Variants in IQCH observed in about 807,000 individuals in gnomAD.
The protein encoded by IQCH is IQ domain-containing protein H.
IQCH carries 98 observed loss-of-function variants against 117.0 expected under a neutral mutation model. The ratio of observed to expected loss-of-function variants is 0.84; its 90% CI spans 0.71 to 0.99. The LOEUF (loss-of-function observed/expected upper bound fraction) is 0.99. Ranked by LOEUF, IQCH falls within the 50% of genes least tolerant of loss-of-function variation. IQCH has a pLI of 0.00. For synonymous variants in IQCH, 412 were observed against 448.2 expected, an observed-to-expected ratio of 0.92 and a Z score of 1.02; for missense variants, 1,102 against 1,243.8, an observed-to-expected ratio of 0.89 and a Z score of 1.72.
intron 4 of IQCH, among the ~76,000 whole-genome samples, chr15:67,304,614 G>A (rs1301109411): frequency 6.6e-6 from 1 of 151,948 alleles, no homozygotes; most frequent in African/African-American, 2.4e-5. Context: ...TTTATAATTA[G>A]CAATGATTAA....
chr15:67,422,594 A>T lies in IQCH; in HGVS notation c.2505+1017A>T, dbSNP rs1567175615. ...ACATGGATACACCCAAAAATAATGT[A>T]GAGTTTTATTTTGCATGTTTTTAAG... On this transcript the variant is annotated intron_variant, in intron 16 of 20. Transcript: ENST00000335894. The surrounding 1 kb of genome is among the most constrained non-coding windows in gnomAD (Gnocchi z 4.7). Among the ~76,000 whole-genome samples the T allele has an allele frequency of 6.6e-6, 1 of 152,152 alleles. No individual in the cohort carries two copies. Among genetic ancestry groups the T allele is most frequent in the Non-Finnish European group, 1.5e-5 (1 of 68,016 alleles).
Position 67,345,108 on chromosome 15 carries a change from G to A in IQCH, c.637+917G>A, listed in dbSNP as rs145309498. On this transcript the variant is annotated intron_variant, in intron 6 of 20. Coordinates refer to ENST00000335894, the MANE Select transcript of IQCH (RefSeq NM_001031715.3). ...GGATTCAAGCGATTCTCCTGCCTCA[G>A]CCTCCCAAGTACCTGTGATTACAGG... Among the ~76,000 whole-genome samples the A allele has an allele frequency of 9.9e-5, 15 of 152,236 alleles. No homozygotes were observed. In the East Asian group the frequency reaches 2.9e-3, roughly 29 times the overall value.
chr15:67,377,961 G>A (rs1234871009), intron 10 of IQCH, among the ~76,000 whole-genome samples: 2 of 152,118 alleles, frequency 1.3e-5, no homozygotes, highest in African/African-American at 4.8e-5. Context: ...TATGGATCCT[G>A]TTATTATGAA....
chr15:67,494,037 C>T lies in IQCH; in HGVS notation c.2862-221C>T, dbSNP rs2083736861. On this transcript the variant is annotated intron_variant, in intron 19 of 20. Transcript: ENST00000335894. The surrounding 1 kb of genome is among the most constrained non-coding windows in gnomAD (Gnocchi z 5.5). ...AAATGACCTACCCTATTGGTATATT[C>T]TGCTAAGTTGATTAATAAAAAATAT... Among the ~76,000 whole-genome samples, 1 of 152,232 alleles carries T rather than the reference C, an allele frequency of 6.6e-6. No homozygotes were observed. Among genetic ancestry groups the T allele is most frequent in the Non-Finnish European group, 1.5e-5 (1 of 68,040 alleles).
At chr15:67,262,081 T>C (rs1965485676) in intron 2 of IQCH, among the ~76,000 whole-genome samples, 1 of 133,454 alleles carries the variant, frequency 7.5e-6, no homozygotes, top group Admixed American at 7.2e-5. Context: ...AGAGTGAGAC[T>C]CTGTCTCAAA....
chr15:67,452,312 C>T (rs1229468385), intron 16 of IQCH, among the ~76,000 whole-genome samples: 1 of 152,142 alleles, frequency 6.6e-6, no homozygotes, highest in Admixed American at 6.6e-5. Context: ...GCAGTTTCTT[C>T]CTGGCCTTGA....
rs926991576 is a variant in IQCH, at chr15:67,381,807, C to G, written c.1373-3129C>G. ...ATCAGCCTGGGCAACATGGCGAAAC[C>G]CTGGCTCTACAAAAATTACAAAAAT... On this transcript the variant is annotated intron_variant, in intron 10 of 20. Transcript: ENST00000335894. This position sits in a 1 kb window ranked among gnomAD's most constrained non-coding sequence, Gnocchi z 5.1. Among the ~76,000 whole-genome samples, 4 of 151,918 alleles carry G rather than the reference C, an allele frequency of 2.6e-5. No homozygotes were observed. Among genetic ancestry groups the G allele is most frequent in the African/African-American group, 9.7e-5 (4 of 41,350 alleles).
rs538006360 is a variant in IQCH at position 67,387,841 on chromosome 15, A to G, written c.1457-990A>G. Among the ~76,000 whole-genome samples, 9 of 152,304 alleles carry G rather than the reference A, an allele frequency of 5.9e-5. No individual in the cohort carries two copies. The South Asian group carries it at 1.9e-3, about 32-fold the overall frequency. Reference sequence around the variant, plus strand: ...GAATTTAATTCAGTCTATGCTCTGTATATATACTCTGCCAAACTGATCAGA... The same window carrying G: ...GAATTTAATTCAGTCTATGCTCTGTGTATATACTCTGCCAAACTGATCAGA... On this transcript the variant is annotated intron_variant, in intron 11 of 20. Coordinates refer to ENST00000335894, the MANE Select transcript of IQCH (RefSeq NM_001031715.3). The surrounding 1 kb of genome is among the most constrained non-coding windows in gnomAD (Gnocchi z 4.8).
Position 67,364,140 on chromosome 15 carries a change from T to A in IQCH, c.753+4255T>A, listed in dbSNP as rs540823913. 6.6e-6 allele frequency among the ~76,000 whole-genome samples: 1 copy of A among 152,348 alleles called. No individual in the cohort carries two copies. The highest frequency in any genetic ancestry group is 2.4e-5 in the African/African-American group (1 of 41,578). The stretch of plus-strand genomic sequence containing the variant: ...TCTTTGAGAAGTCACTAAACTGCTT[T>A]CTATAATGGCTGAACTAATTTACAT... On this transcript the variant is annotated intron_variant, in intron 8 of 20. Transcript: ENST00000335894. This position sits in a 1 kb window ranked among gnomAD's most constrained non-coding sequence, Gnocchi z 4.1.
At chr15:67,346,873 T>C (rs900395986) in intron 6 of IQCH, among the ~76,000 whole-genome samples, 12 of 152,026 alleles carry the variant, frequency 7.9e-5, no homozygotes, top group African/African-American at 2.9e-4. Flanking sequence ...CTTAACAGAA[T>C]TAAACTAAAA....
rs1198822843 is a variant in IQCH at position 67,417,213 on chromosome 15, T to TA, written c.2218+163dup. On this transcript the variant is annotated intron_variant, in intron 15 of 20. Transcript: ENST00000335894. This position sits in a 1 kb window ranked among gnomAD's most constrained non-coding sequence, Gnocchi z 4.3. ...TCAAATGTTGCCTAAATATTTATCT[T>TA]ACACCCAGCCTCTTAAGTAAATAAG... 6.6e-6 allele frequency among the ~76,000 whole-genome samples: 1 copy of TA among 152,194 alleles called. No individual in the cohort carries two copies. The highest frequency in any genetic ancestry group is 1.5e-5 in the Non-Finnish European group (1 of 68,026).
rs2083197100 is a variant in IQCH at position 67,476,170 on chromosome 15, T to C, written c.2799+352T>C. ...AAGCTGCTTATCAATGAATAGCTTC[T>C]GTCTTAGTCTGCTGGGGCTGCCATA... is the stretch of plus-strand genomic sequence containing the variant. On this transcript the variant is annotated intron_variant, in intron 18 of 20. Transcript: ENST00000335894. This position sits in a 1 kb window ranked among gnomAD's most constrained non-coding sequence, Gnocchi z 4.1. Among the ~76,000 whole-genome samples the C allele has an allele frequency of 1.3e-5, 2 of 152,254 alleles. No individual in the cohort carries two copies. Among genetic ancestry groups the C allele is most frequent in the South Asian group, 4.1e-4 (2 of 4,830 alleles).
At chr15:67,314,810 T>C (rs577873976) in intron 4 of IQCH, among the ~76,000 whole-genome samples, 1 of 152,358 alleles carries the variant, frequency 6.6e-6, no homozygotes, top group Admixed American at 6.5e-5. Flanking sequence ...TTGTGAAATC[T>C]AATTTTTAAA....
chr15:67,359,874 C>G lies in IQCH; in HGVS notation c.742C>G (p.His248Asp), dbSNP rs754710669. The G allele has an allele frequency of 6.3e-7, 1 of 1,591,822 alleles. No individual in the cohort carries two copies. The highest frequency in any genetic ancestry group is 8.6e-7 in the Non-Finnish European group (1 of 1,165,858). ...GAAAAGCAGAAGGTCAAGAGGACAT[C>G]ATGATAGGAAGGTCTGTAATTTGTG... ...KGKSRRSRGH[H>D]DRKAMKVKTP... The change falls in exon 8 of 21, where the codon CAT (histidine) becomes GAT (aspartate). Residue 248 changes from histidine to aspartate, a missense_variant. His to Asp is a moderately conservative substitution (Grantham distance 81). This residue lies in a region of IQCH where 452 missense variants were observed against 449.6 expected (regional missense o/e 1.01). Transcript: ENST00000335894. The surrounding 1 kb of genome is among the most constrained non-coding windows in gnomAD (Gnocchi z 4.5).
chr15:67,431,209 A>G lies in IQCH; in HGVS notation c.2505+9632A>G, dbSNP rs2082012278. 6.6e-6 allele frequency among the ~76,000 whole-genome samples: 1 copy of G among 152,258 alleles called. No individual in the cohort carries two copies. The highest frequency in any genetic ancestry group is 6.5e-5 in the Admixed American group (1 of 15,286). Reference sequence around the variant, plus strand: ...ACCTCAAGTAAATATACATTTATATAGCAATTCTCCCATTCCTGTTCCTCA... The same window carrying G: ...ACCTCAAGTAAATATACATTTATATGGCAATTCTCCCATTCCTGTTCCTCA... On this transcript the variant is annotated intron_variant, in intron 16 of 20. Coordinates refer to ENST00000335894, the MANE Select transcript of IQCH (RefSeq NM_001031715.3). This position sits in a 1 kb window ranked among gnomAD's most constrained non-coding sequence, Gnocchi z 4.8.
At chr15:67,268,794 A>G (rs1404465361) in intron 3 of IQCH, among the ~76,000 whole-genome samples, 1 of 152,130 alleles carries the variant, frequency 6.6e-6, no homozygotes, top group East Asian at 1.9e-4. Context: ...AGGAGAGAGG[A>G]GAGAGGGAGA....
At position 67,422,935 on chromosome 15, in the gene IQCH, G is replaced by A. The variant is rs12148153; in HGVS notation, c.2505+1358G>A. On this transcript the variant is annotated intron_variant, in intron 16 of 20. Coordinates refer to ENST00000335894, the MANE Select transcript of IQCH (RefSeq NM_001031715.3). The surrounding 1 kb of genome is among the most constrained non-coding windows in gnomAD (Gnocchi z 4.7). The stretch of plus-strand genomic sequence containing the variant: ...ATATCGCGATATCCTCTGGTCATCC[G>A]CATTGTACATATACTTTGGTTGTTT... Among the ~76,000 whole-genome samples the A allele has an allele frequency of 0.13, 19,421 of 152,130 alleles. 1,342 individuals are homozygous for A. Among genetic ancestry groups the A allele is most frequent in the East Asian group, 0.2 (1,043 of 5,170 alleles).
rs1225715953 is a variant in IQCH at position 67,474,098 on chromosome 15, G to A, written c.2677-1598G>A. On this transcript the variant is annotated intron_variant, in intron 17 of 20. Coordinates refer to ENST00000335894, the MANE Select transcript of IQCH (RefSeq NM_001031715.3). The surrounding 1 kb of genome is among the most constrained non-coding windows in gnomAD (Gnocchi z 4.1). Reference sequence around the variant, plus strand: ...TGTGTGTGTGTGTGTGTGTGTGTGTGTGTGTGGAGAGGGAGAGAGGGATGC... The same window carrying A: ...TGTGTGTGTGTGTGTGTGTGTGTGTATGTGTGGAGAGGGAGAGAGGGATGC... Among the ~76,000 whole-genome samples the A allele has an allele frequency of 6.6e-6, 1 of 151,534 alleles. No individual in the cohort carries two copies. The highest frequency in any genetic ancestry group is 1.5e-5 in the Non-Finnish European group (1 of 67,934).
At chr15:67,347,809 A>G (rs1490646755) in intron 6 of IQCH, among the ~76,000 whole-genome samples, 1 of 144,600 alleles carries the variant, frequency 6.9e-6, no homozygotes, top group Non-Finnish European at 1.5e-5. Context: ...CTATATATAT[A>G]TATAGATATA....
Sources: gnomAD v4.1 joint callset for allele counts (sites outside exome capture counted in the v4.1 genomes callset) on GRCh38, gnomAD v4.1.1 for gene constraint, gnomAD v4.1.1 regional missense constraint, Gnocchi (gnomAD v3.1) non-coding constraint, MANE v1.5 for transcripts, NCBI Gene and HGNC (gene_info 2026-07-23, HGNC 2026-07-21) for gene names.